ZNF814: variants seen among roughly 807,000 people sequenced by gnomAD.
ZNF814 encodes zinc finger protein 814.
In ZNF814, 5 loss-of-function variants were observed where a neutral mutation model predicts 7.5. The observed-to-expected ratio is 0.67, with a 90% CI of 0.35 to 1.40. The LOEUF (loss-of-function observed/expected upper bound fraction) is 1.40, where lower values mean the gene tolerates loss of function less well. Among genes scored for constraint, ZNF814 ranks in the 40% most tolerant of loss-of-function variants. The pLI, the probability that ZNF814 is intolerant of heterozygous loss-of-function variation, is 0.04. For synonymous variants in ZNF814, 315 were observed against 340.7 expected (o/e 0.92, Z 0.83); for missense variants, 962 against 1,018.0 (o/e 0.94, Z 0.75).
intron 2 of ZNF814, 117 bp downstream of exon 2, chr19:57,876,799 C>A (rs375911258): frequency 2.5e-5 from 38 of 1,529,262 alleles, no homozygotes; most frequent in Non-Finnish European, 3.2e-5. Flanking sequence ...AACCTACCCA[C>A]AGAACTGAAG....
chr19:57,898,906 C>G, the ZNF814 span, among the ~76,000 whole-genome samples: 1 of 148,180 alleles, frequency 6.7e-6, no homozygotes. Context: ...TGCCACTGCA[C>G]TCCAGCCTGG....
upstream of ZNF814, among the ~76,000 whole-genome samples, chr19:57,894,036 T>C (rs528453646): frequency 1.7e-4 from 25 of 151,126 alleles, no homozygotes; most frequent in Admixed American, 4.0e-4. Context: ...TGAGCTGAGA[T>C]GGTGCCACTG....
chr19:57,876,465 T>C (rs1421508167), intron 2 of ZNF814: 1 of 186,970 alleles, frequency 5.3e-6, no homozygotes, highest in African/African-American at 2.3e-5. Context: ...TGACAGCCCA[T>C]GAGAGAAAAA....
At chr19:57,900,597 C>T in the ZNF814 span, 6 of 152,176 alleles carry the variant, frequency 3.9e-5, no homozygotes, top group South Asian at 6.2e-4. Flanking sequence ...AGGAGTTAAC[C>T]CTAGAGGTCT....
chr19:57,876,729 G>A lies in ZNF814; in HGVS notation c.163+187C>T. 7 of 949,766 alleles carry A rather than the reference G, an allele frequency of 7.4e-6. No homozygotes were observed. In the Admixed American group the frequency reaches 1.5e-4, roughly 21 times the overall value. 58.8% of individuals were successfully genotyped at this position (949,766 alleles called of 1,614,324 possible). On this transcript the variant is annotated intron_variant, in intron 2 of 2. Coordinates refer to ENST00000435989, the MANE Select transcript of ZNF814 (RefSeq NM_001144989.2). ...CCTGGGAGCCTGCAGTAAAGCAGGTGTTGGGGCTGCTCCAAGAAAGGAGTA... is the reference window on the plus strand; with the variant it reads ...CCTGGGAGCCTGCAGTAAAGCAGGTATTGGGGCTGCTCCAAGAAAGGAGTA...
At chr19:57,892,747 G>A (rs555362640), upstream of ZNF814, among the ~76,000 whole-genome samples, 189 of 151,800 alleles carry the variant, frequency 1.2e-3, no homozygotes, top group African/African-American at 4.4e-3. Context: ...CAATGGGAGT[G>A]GGGGGGGCTT....
In ZNF814 at chr19:57,874,003, G is replaced by A; in HGVS notation, c.1387C>T (p.Pro463Ser). The change falls in exon 3 of 3, where the codon CCT (proline) becomes TCT (serine). Residue 463 changes from proline (P) to serine (S), a missense_variant. Pro to Ser is a moderately conservative substitution (Grantham distance 74). This residue lies in a region of ZNF814 where 665 missense variants were observed against 551.4 expected (regional missense o/e 1.21). Transcript: ENST00000435989. ...TTCACACATTCTCCACACTTGAAAG[G>A]TCTTTCTCCGGCGTGAACTCGTTGA... The part of the protein sequence containing the change: ...SHQRVHAGER[P>S]FKCGECVKSF... The A allele has an allele frequency of 6.2e-7, 1 of 1,613,864 alleles. No individual in the cohort carries two copies. The highest frequency in any genetic ancestry group is 8.5e-7 in the Non-Finnish European group (1 of 1,179,942).
the ZNF814 span, among the ~76,000 whole-genome samples, chr19:57,895,259 C>CCTTTT: frequency 1.3e-5 from 2 of 151,788 alleles, no homozygotes; most frequent in South Asian, 2.1e-4. Flanking sequence ...AGCCTCCTTG[C>CCTTTT]CTTTTCTTTT....
upstream of ZNF814, among the ~76,000 whole-genome samples, chr19:57,890,997 G>C (rs2071731662): frequency 6.6e-6 from 1 of 151,568 alleles, no homozygotes; most frequent in Admixed American, 6.6e-5. Flanking sequence ...TGAGATAGGA[G>C]GTCAGCACAA....
In ZNF814 at chr19:57,870,490, A is replaced by G. The variant is rs888088049; in HGVS notation, c.*2332T>C. On this transcript the variant is annotated 3_prime_UTR_variant, in exon 3 of 3. Coordinates refer to ENST00000435989, the MANE Select transcript of ZNF814 (RefSeq NM_001144989.2). Reference sequence around the variant, plus strand: ...AACTGAGATCTCCCTTCTCCCTATCATCTTCCTCCTGTTAATGCAGGAATG... The same window carrying G: ...AACTGAGATCTCCCTTCTCCCTATCGTCTTCCTCCTGTTAATGCAGGAATG... 1.3e-5 allele frequency: 2 copies of G among 152,132 alleles called. No individual in the cohort carries two copies. The highest frequency in any genetic ancestry group is 4.8e-5 in the African/African-American group (2 of 41,430). The allele number at this position is 152,132 out of a possible 1,614,324, so 9.4% of individuals were successfully genotyped here.
In ZNF814 at chr19:57,874,395, G is replaced by C. The variant is rs762926486; in HGVS notation, c.995C>G (p.Ser332Trp). ...RPYECGECGKSFSKYASFSNH... is the reference protein window; with the variant it reads ...RPYECGECGKWFSKYASFSNH... The stretch of plus-strand genomic sequence containing the variant: ...ACTGAAGCTAGCATATTTGCTAAAC[G>C]ATTTCCCACATTCTCCACATTCATA... The change falls in exon 3 of 3, where the codon TCG becomes TGG. Residue 332 changes from serine to tryptophan, a missense_variant. Physicochemically the swap from Ser to Trp is radical, Grantham distance 177 (BLOSUM62 -3). Coordinates refer to ENST00000435989, the MANE Select transcript of ZNF814 (RefSeq NM_001144989.2). 4.6e-6 allele frequency: 7 copies of C among 1,528,188 alleles called. No homozygotes were observed. The Admixed American group carries it at 1.0e-4, about 23-fold the overall frequency. 94.7% of individuals were successfully genotyped at this position (1,528,188 alleles called of 1,614,324 possible).
intron 1 of ZNF814, among the ~76,000 whole-genome samples, chr19:57,877,981 A>G (rs1416565023): frequency 6.6e-6 from 1 of 151,924 alleles, no homozygotes; most frequent in Non-Finnish European, 1.5e-5. Context: ...CCTGGTTAAC[A>G]ATGTGCAACT....
upstream of ZNF814, among the ~76,000 whole-genome samples, chr19:57,889,469 GA>G (rs1290813239): frequency 6.6e-6 from 1 of 152,222 alleles, no homozygotes; most frequent in African/African-American, 2.4e-5. Flanking sequence ...GGAGCCTGAG[GA>G]GGGAGAATCG....
At chr19:57,891,674 G>A (rs144913239), upstream of ZNF814, among the ~76,000 whole-genome samples, 1,020 of 152,322 alleles carry the variant, frequency 6.7e-3, 16 homozygotes, top group African/African-American at 0.023. Flanking sequence ...ACAACAGGGT[G>A]AAACCCAATC....
chr19:57,895,293 T>G, the ZNF814 span, among the ~76,000 whole-genome samples: 1 of 151,150 alleles, frequency 6.6e-6, no homozygotes, highest in African/African-American at 2.4e-5. Context: ...TTTTTTTTTT[T>G]GAGATGAAGT....
chr19:57,879,930 C>T (rs1367698565), intron 1 of ZNF814, among the ~76,000 whole-genome samples: 1 of 120,518 alleles, frequency 8.3e-6, no homozygotes, highest in Non-Finnish European at 1.7e-5. Context: ...TCTGTCTCTA[C>T]TAAAATTACA....
chr19:57,879,780 T>G (rs1049992363), intron 1 of ZNF814, among the ~76,000 whole-genome samples: 1 of 136,466 alleles, frequency 7.3e-6, no homozygotes, highest in African/African-American at 2.8e-5. Context: ...CTTCTATCAC[T>G]GCTGCTGCTA....
chr19:57,894,764 G>A, the ZNF814 span, among the ~76,000 whole-genome samples: 1 of 151,838 alleles, frequency 6.6e-6, no homozygotes. Context: ...AACCTGGGAG[G>A]TGGAGCTTGC....
At position 57,876,898 on chromosome 19, in the gene ZNF814, T is replaced by G. The variant is rs770955540; in HGVS notation, c.163+18A>C. ...ACAGAGACTAGCTCAGGTCACAGGG[T>G]GAGTGTGAGCAACTTACCCAGGGAG... On this transcript the variant is annotated intron_variant, in intron 2 of 2. Transcript: ENST00000435989. 4 of 1,613,884 alleles carry G rather than the reference T, an allele frequency of 2.5e-6. No homozygotes were observed. The highest frequency in any genetic ancestry group is 2.5e-6 in the Non-Finnish European group (3 of 1,179,862).
Sources: gnomAD v4.1 joint callset for allele counts (sites outside exome capture counted in the v4.1 genomes callset) on GRCh38, gnomAD v4.1.1 for gene constraint, gnomAD v4.1.1 regional missense constraint, MANE v1.5 for transcripts, NCBI Gene and HGNC (gene_info 2026-07-23, HGNC 2026-07-21) for gene names.